The following CFAP299 variants were observed in gnomAD, a reference collection of about 807,000 sequenced individuals.
CFAP299 encodes cilia and flagella associated protein 299.
Under a neutral mutation model 27.0 loss-of-function variants are expected in CFAP299, and 21 were observed. That is an observed-to-expected ratio of 0.78 (90% confidence interval 0.55 to 1.12). The LOEUF is 1.12. CFAP299 is among the 50% of genes most tolerant of loss of function. The pLI, the probability that CFAP299 is intolerant of heterozygous loss-of-function variation, is 0.00. For missense variants in CFAP299, 310 were observed against 276.6 expected (o/e 1.12, Z -0.86); for synonymous variants, 104 against 98.1 (o/e 1.06, Z -0.36).
intron 2 of CFAP299, among the ~76,000 whole-genome samples, chr4:80,441,291 A>C (rs1728344232): frequency 2.0e-5 from 3 of 152,210 alleles, no homozygotes; most frequent in African/African-American, 7.2e-5. Context: ...AAAAATGTTA[A>C]GGGCAGCCAG....
At chr4:80,686,832 G>C (rs754611796) in intron 3 of CFAP299, among the ~76,000 whole-genome samples, 1 of 152,168 alleles carries the variant, frequency 6.6e-6, no homozygotes, top group Non-Finnish European at 1.5e-5. Flanking sequence ...GGTGGCATGT[G>C]CGTGGTATAA....
At chr4:80,694,814 T>A (rs1309441384) in intron 3 of CFAP299, among the ~76,000 whole-genome samples, 3 of 152,200 alleles carry the variant, frequency 2.0e-5, no homozygotes, top group Non-Finnish European at 2.9e-5. Flanking sequence ...TGTATTGAAT[T>A]TTACACTTTG....
chr4:80,355,178 C>T lies in CFAP299; in HGVS notation c.112-7576C>T, dbSNP rs1023931334. The stretch of plus-strand genomic sequence containing the variant: ...GTTCCTTTTTTCTCCGCAAGTTTGC[C>T]GGCATCTGTTATTTTTTGACTTTTT... On this transcript the variant is annotated intron_variant, in intron 1 of 5. Transcript: ENST00000358105. 4.6e-5 allele frequency among the ~76,000 whole-genome samples: 7 copies of T among 151,924 alleles called. No individual in the cohort carries two copies. In the South Asian group the frequency reaches 8.3e-4, roughly 18 times the overall value.
chr4:80,330,518 T>C, the CFAP299 span, among the ~76,000 whole-genome samples: 8 of 152,282 alleles, frequency 5.3e-5, no homozygotes, highest in East Asian at 1.5e-3. Flanking sequence ...CTTGAAACTT[T>C]AGCACATGAG....
At chr4:80,400,500 G>A (rs567553649) in intron 2 of CFAP299, among the ~76,000 whole-genome samples, 2 of 151,546 alleles carry the variant, frequency 1.3e-5, no homozygotes, top group African/African-American at 4.9e-5. Context: ...TAAGTCTCAC[G>A]AGATCTGATG....
At chr4:80,636,073 C>A (rs539529204) in intron 3 of CFAP299, among the ~76,000 whole-genome samples, 70 of 152,240 alleles carry the variant, frequency 4.6e-4, no homozygotes, top group African/African-American at 1.7e-3. Flanking sequence ...AATAGCAAAT[C>A]TTTTTAGTAC....
intron 3 of CFAP299, among the ~76,000 whole-genome samples, chr4:80,797,441 T>A (rs1441569200): frequency 6.6e-6 from 1 of 152,094 alleles, no homozygotes; most frequent in Non-Finnish European, 1.5e-5. Flanking sequence ...CAATTTCACT[T>A]CTAGGAATAC....
At chr4:80,810,703 T>A (rs1172247062) in intron 3 of CFAP299, among the ~76,000 whole-genome samples, 2 of 152,232 alleles carry the variant, frequency 1.3e-5, no homozygotes, top group East Asian at 3.9e-4. Context: ...TTTTTCAGAC[T>A]ACTGGCCTCA....
intron 4 of CFAP299, among the ~76,000 whole-genome samples, chr4:80,888,035 C>T (rs1312645118): frequency 6.6e-6 from 1 of 151,864 alleles, no homozygotes; most frequent in Non-Finnish European, 1.5e-5. Context: ...AAATCACCTT[C>T]ACCAAAATGT....
intron 2 of CFAP299, among the ~76,000 whole-genome samples, chr4:80,402,470 C>G (rs1726212949): frequency 6.6e-6 from 1 of 152,142 alleles, no homozygotes; most frequent in Non-Finnish European, 1.5e-5. Context: ...GCTTTTGCCT[C>G]TCTCATTTTC....
At position 80,646,005 on chromosome 4, in the gene CFAP299, T is replaced by C. The variant is rs189597506; in HGVS notation, c.333+62822T>C. On this transcript the variant is annotated intron_variant, in intron 3 of 5. Coordinates refer to ENST00000358105, the MANE Select transcript of CFAP299 (RefSeq NM_152770.3). ...TGACATTTAGCATAATCTTGAAATA[T>C]GTGGTTTTTTCCACTGTTAGTTCTT... is the stretch of plus-strand genomic sequence containing the variant. 9.4e-4 allele frequency among the ~76,000 whole-genome samples: 143 copies of C among 152,314 alleles called. 1 individual carries two copies. Among genetic ancestry groups the C allele is most frequent in the African/African-American group, 3.2e-3 (132 of 41,576 alleles).
At chr4:80,830,921 A>G (rs1578164279) in intron 3 of CFAP299, among the ~76,000 whole-genome samples, 1 of 152,180 alleles carries the variant, frequency 6.6e-6, no homozygotes, top group East Asian at 1.9e-4. Context: ...AGATTTCATT[A>G]AGCACTTTAC....
intron 3 of CFAP299, among the ~76,000 whole-genome samples, chr4:80,713,861 A>T (rs1281670308): frequency 6.6e-6 from 1 of 152,186 alleles, no homozygotes; most frequent in Non-Finnish European, 1.5e-5. Flanking sequence ...AAGTAAATGC[A>T]CTTTGTGGCT....
intron 3 of CFAP299, among the ~76,000 whole-genome samples, chr4:80,611,752 T>A (rs903273742): frequency 2.6e-5 from 4 of 152,066 alleles, no homozygotes; most frequent in African/African-American, 9.7e-5. Context: ...AACTCCCTGT[T>A]AACTGAAGGA....
chr4:80,803,847 A>G (rs1728733519), intron 3 of CFAP299, among the ~76,000 whole-genome samples: 1 of 151,912 alleles, frequency 6.6e-6, no homozygotes, highest in African/African-American at 2.4e-5. Flanking sequence ...TTCAGAGTAT[A>G]GTTCAGTGGT....
chr4:80,825,789 G>A (rs555489698), intron 3 of CFAP299, among the ~76,000 whole-genome samples: 13 of 151,996 alleles, frequency 8.6e-5, no homozygotes, highest in Admixed American at 6.6e-4. Context: ...ATAGTAACTT[G>A]AAGCCATATG....
chr4:80,602,441 T>C (rs954108135), intron 3 of CFAP299, among the ~76,000 whole-genome samples: 2 of 152,162 alleles, frequency 1.3e-5, no homozygotes, highest in African/African-American at 4.8e-5. Context: ...ATATGTATAA[T>C]GGAAAACGAT....
At chr4:80,759,366 G>T (rs2110076784) in intron 3 of CFAP299, among the ~76,000 whole-genome samples, 1 of 152,292 alleles carries the variant, frequency 6.6e-6, no homozygotes, top group African/African-American at 2.4e-5. Context: ...GAAAGTGGTA[G>T]TTTAAGGTCT....
chr4:80,645,718 T>C (rs1165665252), intron 3 of CFAP299, among the ~76,000 whole-genome samples: 1 of 152,190 alleles, frequency 6.6e-6, no homozygotes. Context: ...GTAGTTTAAA[T>C]AGCTTCCTGT....
Sources: allele counts gnomAD v4.1 joint callset (sites outside exome capture counted in the v4.1 genomes callset), GRCh38; gene constraint gnomAD v4.1.1; transcripts MANE v1.5; gene names NCBI Gene and HGNC (gene_info 2026-07-23, HGNC 2026-07-21).